The following F2RL1 variants were observed in gnomAD, a reference collection of about 807,000 sequenced individuals.
F2RL1 encodes the protein proteinase-activated receptor 2.
F2RL1 carries 16 observed loss-of-function variants against 21.7 expected under a neutral mutation model. The ratio of observed to expected loss-of-function variants is 0.74; its 90% confidence interval spans 0.50 to 1.12. The LOEUF is 1.12. Ranked by LOEUF, F2RL1 falls within the 50% of genes most tolerant of loss-of-function variation. F2RL1 has a pLI of 0.00. For synonymous variants in F2RL1, 181 were observed against 186.7 expected, an observed-to-expected ratio of 0.97 and a Z score of 0.25; for missense variants, 432 against 477.8, an observed-to-expected ratio of 0.90 and a Z score of 0.89.
intron 1 of F2RL1, among the ~76,000 whole-genome samples, chr5:76,832,061 G>A (rs993355934): frequency 6.6e-6 from 1 of 151,670 alleles, no homozygotes; most frequent in African/African-American, 2.4e-5. Context: ...GGACTAATGA[G>A]TGTGGACAGT....
In F2RL1 at chr5:76,834,021, C is replaced by T; in HGVS notation, c.*220C>T. The T allele has an allele frequency of 2.0e-6, 1 of 488,536 alleles. No homozygotes were observed. The highest frequency in any genetic ancestry group is 3.2e-5 in the East Asian group (1 of 31,384). The allele number at this position is 488,536 out of a possible 1,614,324, so 30.3% of individuals were successfully genotyped here. A position where few individuals can be genotyped will look rare whatever the true frequency, so the allele number is the denominator to read the frequency against. Reference sequence around the variant, plus strand: ...CAGAATCTCTCTACTCAGATGACCCCAGAAACTGAACCAACAGAAGCAGAC... The same window carrying T: ...CAGAATCTCTCTACTCAGATGACCCTAGAAACTGAACCAACAGAAGCAGAC... On this transcript the variant is annotated 3_prime_UTR_variant, in exon 2 of 2. Transcript: ENST00000296677.
chr5:76,820,786 A>G (rs901375543), intron 1 of F2RL1, among the ~76,000 whole-genome samples: 1 of 152,192 alleles, frequency 6.6e-6, no homozygotes, highest in South Asian at 2.1e-4. Flanking sequence ...ACTTGATTTA[A>G]CAATAAGGAA....
intron 1 of F2RL1, among the ~76,000 whole-genome samples, chr5:76,820,787 C>A (rs927186709): frequency 2.0e-5 from 3 of 152,106 alleles, no homozygotes; most frequent in African/African-American, 7.2e-5. Flanking sequence ...CTTGATTTAA[C>A]AATAAGGAAA....
At chr5:76,822,912 G>A (rs1750164572) in intron 1 of F2RL1, among the ~76,000 whole-genome samples, 1 of 151,994 alleles carries the variant, frequency 6.6e-6, no homozygotes, top group Non-Finnish European at 1.5e-5. Context: ...GGCCACAAGA[G>A]GAGTATACTT....
intron 1 of F2RL1, among the ~76,000 whole-genome samples, chr5:76,819,735 A>G (rs150729003): frequency 2.0e-5 from 3 of 151,904 alleles, no homozygotes; most frequent in Non-Finnish European, 2.9e-5. Flanking sequence ...TAGCGAGCTG[A>G]TTGCGCAGGG....
intron 1 of F2RL1, among the ~76,000 whole-genome samples, chr5:76,824,134 T>G (rs1750194254): frequency 7.0e-6 from 1 of 142,786 alleles, no homozygotes; most frequent in African/African-American, 2.6e-5. Flanking sequence ...TATAGGGGGG[T>G]AATTGAACTA....
At chr5:76,821,574 T>G (rs1750136592) in intron 1 of F2RL1, among the ~76,000 whole-genome samples, 3 of 140,070 alleles carry the variant, frequency 2.1e-5, no homozygotes, top group South Asian at 4.7e-4. Flanking sequence ...TTTTTGTTTT[T>G]TTGGTTTTTT....
chr5:76,821,187 T>C (rs1290866510), intron 1 of F2RL1, among the ~76,000 whole-genome samples: 2 of 152,182 alleles, frequency 1.3e-5, no homozygotes, highest in Non-Finnish European at 2.9e-5. Flanking sequence ...GGACACTGAA[T>C]TGAGGAGGCA....
chr5:76,828,720 T>C (rs1056533805), intron 1 of F2RL1, among the ~76,000 whole-genome samples: 3 of 151,958 alleles, frequency 2.0e-5, no homozygotes, highest in African/African-American at 7.3e-5. Context: ...TCTCAAACTC[T>C]TGGCCTCGAG....
rs191454074 is a variant in F2RL1, at chr5:76,824,418, G to A, written c.82+5154G>A. Among the ~76,000 whole-genome samples the A allele has an allele frequency of 3.7e-3, 561 of 151,350 alleles. 3 individuals are homozygous for A. The highest frequency in any genetic ancestry group is 5.8e-3 in the Non-Finnish European group (390 of 67,818). On this transcript the variant is annotated intron_variant, in intron 1 of 1. Coordinates refer to ENST00000296677, the MANE Select transcript of F2RL1 (RefSeq NM_005242.6). ...GTGATCTCAGCTCACTGCAACCTCCGCCTCCCAGGTTCAAGCCTCCCAGGT... is the reference window on the plus strand; with the variant it reads ...GTGATCTCAGCTCACTGCAACCTCCACCTCCCAGGTTCAAGCCTCCCAGGT...
chr5:76,823,379 T>G lies in F2RL1; in HGVS notation c.82+4115T>G, dbSNP rs1311864549. 7.3e-5 allele frequency among the ~76,000 whole-genome samples: 11 copies of G among 150,038 alleles called. No homozygotes were observed. In the South Asian group the frequency reaches 2.1e-3, roughly 29 times the overall value. ...TTTGTTTGGTTGGTTGGTTTTTTTT[T>G]TTTTTTTTTGAGATGGAGTCTCGCT... is the stretch of plus-strand genomic sequence containing the variant. On this transcript the variant is annotated intron_variant, in intron 1 of 1. Coordinates refer to ENST00000296677, the MANE Select transcript of F2RL1 (RefSeq NM_005242.6).
In F2RL1 at chr5:76,826,251, A is replaced by C. The variant is rs561561559; in HGVS notation, c.83-6439A>C. ...TACAATTCACCCCTTTAAACTGTACAATTTAGTGGCTTTTAGGATGTTCAT... is the reference window on the plus strand; with the variant it reads ...TACAATTCACCCCTTTAAACTGTACCATTTAGTGGCTTTTAGGATGTTCAT... On this transcript the variant is annotated intron_variant, in intron 1 of 1. Transcript: ENST00000296677. Among the ~76,000 whole-genome samples, 181 of 152,208 alleles carry C rather than the reference A, an allele frequency of 1.2e-3. 1 individual carries two copies. The highest frequency in any genetic ancestry group is 2.0e-3 in the Non-Finnish European group (137 of 68,032).
Position 76,833,560 on chromosome 5 carries a change from G to A in F2RL1, c.953G>A (p.Gly318Asp), listed in dbSNP as rs755911067. 1.2e-6 allele frequency: 2 copies of A among 1,613,612 alleles called. No individual in the cohort carries two copies. Among genetic ancestry groups the A allele is most frequent in the Non-Finnish European group, 1.7e-6 (2 of 1,179,986 alleles). Residue 318 changes from glycine to aspartate, a missense_variant, in exon 2 of 2, where the codon GGC becomes GAC. Coordinates refer to ENST00000296677, the MANE Select transcript of F2RL1 (RefSeq NM_005242.6). ...CATTATTTTCTGATTAAGAGCCAGG[G>A]CCAGAGCCATGTCTATGCCCTGTAC... ...VVHYFLIKSQGQSHVYALYIV... is the reference protein window; with the variant it reads ...VVHYFLIKSQDQSHVYALYIV...
chr5:76,821,462 C>A (rs1750134813), intron 1 of F2RL1, among the ~76,000 whole-genome samples: 1 of 152,040 alleles, frequency 6.6e-6, no homozygotes, highest in Non-Finnish European at 1.5e-5. Flanking sequence ...CTTCTCTCTG[C>A]CACTTACTTA....
At chr5:76,825,030 CAG>C (rs1270112580) in intron 1 of F2RL1, among the ~76,000 whole-genome samples, 1 of 130,412 alleles carries the variant, frequency 7.7e-6, no homozygotes, top group African/African-American at 3.1e-5. Flanking sequence ...TTTTTTGAGA[CAG>C]AGTCTCACTC....
In F2RL1 at chr5:76,833,092, C is replaced by A; in HGVS notation, c.485C>A (p.Ser162Tyr). Residue 162 changes from serine to tyrosine, a missense_variant, in exon 2 of 2, where the codon TCC becomes TAC. Coordinates refer to ENST00000296677, the MANE Select transcript of F2RL1 (RefSeq NM_005242.6). Reference sequence around the variant, plus strand: ...TTTTTCTATGGCAACATGTACTGTTCCATTCTCTTCATGACCTGCCTCAGT... The same window carrying A: ...TTTTTCTATGGCAACATGTACTGTTACATTCTCTTCATGACCTGCCTCAGT... ...IGFFYGNMYC[S>Y]ILFMTCLSVQ... 6.2e-7 allele frequency: 1 copy of A among 1,614,184 alleles called. No individual in the cohort carries two copies. Among genetic ancestry groups the A allele is most frequent in the East Asian group, 2.2e-5 (1 of 44,884 alleles).
In F2RL1 at chr5:76,824,164, C is replaced by T. The variant is rs1385734730; in HGVS notation, c.82+4900C>T. Among the ~76,000 whole-genome samples the T allele has an allele frequency of 2.1e-5, 3 of 146,278 alleles. No individual in the cohort carries two copies. In the East Asian group the frequency reaches 6.1e-4, roughly 30 times the overall value. On this transcript the variant is annotated intron_variant, in intron 1 of 1. Coordinates refer to ENST00000296677, the MANE Select transcript of F2RL1 (RefSeq NM_005242.6). ...GAACTAGTCCTCCCCACCACACCCCCCCCCCCTTTTTTTTTTAAAGAGACT... is the reference window on the plus strand; with the variant it reads ...GAACTAGTCCTCCCCACCACACCCCTCCCCCCTTTTTTTTTTAAAGAGACT...
intron 1 of F2RL1, among the ~76,000 whole-genome samples, chr5:76,827,325 C>CAAAAAA (rs764040748): frequency 1.9e-4 from 17 of 87,602 alleles, no homozygotes; most frequent in African/African-American, 7.1e-4. Context: ...ACTAAAAATA[C>CAAAAAA]AAAAAAAAAA....
chr5:76,832,551 C>G (rs138860362), intron 1 of F2RL1, 139 bp from the exon 2 acceptor site: 7 of 866,772 alleles, frequency 8.1e-6, no homozygotes. Context: ...CGCTCCACTA[C>G]GCTCCAGCCT....
Sources: allele counts gnomAD v4.1 joint callset (sites outside exome capture counted in the v4.1 genomes callset), GRCh38; gene constraint gnomAD v4.1.1; transcripts MANE v1.5; gene names NCBI Gene and HGNC (gene_info 2026-07-23, HGNC 2026-07-21).